Variants in DCAF4 observed in about 807,000 individuals in gnomAD.
The protein encoded by DCAF4 is DDB1- and CUL4-associated factor 4.
DCAF4 carries 37 observed loss-of-function variants against 60.9 expected under a neutral mutation model. That is an observed-to-expected ratio of 0.61 (90% CI 0.47 to 0.80). DCAF4 has a LOEUF of 0.80. DCAF4 is among the 30% of genes least tolerant of loss of function. DCAF4 has a pLI of 0.00. For synonymous variants in DCAF4, 243 were observed against 254.8 expected, an observed-to-expected ratio of 0.95 and a Z score of 0.44; for missense variants, 577 against 650.0, an observed-to-expected ratio of 0.89 and a Z score of 1.22.
chr14:72,956,330 G>A, intron 12 of DCAF4, 56 bp from the exon 13 acceptor site: 1 of 1,407,118 alleles, frequency 7.1e-7, no homozygotes, highest in African/African-American at 1.4e-5. Context: ...TGCACTTGGG[G>A]ACCACCATGG....
intron 7 of DCAF4, 98 bp downstream of exon 7, chr14:72,946,125 C>CA: frequency 1.4e-6 from 2 of 1,417,884 alleles, no homozygotes; most frequent in South Asian, 1.3e-5. Flanking sequence ...GAGGGCAGAG[C>CA]ATACTTACCT....
downstream of DCAF4, among the ~76,000 whole-genome samples, chr14:72,961,098 G>T (rs545221762): frequency 1.3e-5 from 2 of 151,958 alleles, no homozygotes; most frequent in East Asian, 1.9e-4. Context: ...TGTTTCCCAG[G>T]CTGGTCTTGA....
At chr14:72,936,262 G>T (rs979919879) in intron 1 of DCAF4, among the ~76,000 whole-genome samples, 1 of 152,084 alleles carries the variant, frequency 6.6e-6, no homozygotes, top group African/African-American at 2.4e-5. Context: ...TTAGGACAAT[G>T]AATAAGATAA....
intron 6 of DCAF4, 44 bp downstream of exon 6, chr14:72,943,140 T>G: frequency 6.4e-7 from 1 of 1,571,966 alleles, no homozygotes; most frequent in Non-Finnish European, 8.7e-7. Context: ...GCTGCCACCC[T>G]CTGGACACTT....
intron 1 of DCAF4, among the ~76,000 whole-genome samples, chr14:72,936,718 G>A (rs918850079): frequency 3.9e-5 from 6 of 152,154 alleles, no homozygotes; most frequent in East Asian, 1.9e-4. Context: ...AGATAGACAC[G>A]AAGCAGCATA....
rs181842104 is a variant in DCAF4 at position 72,953,652 on chromosome 14, T to C, written c.809-512T>C. Reference sequence around the variant, plus strand: ...TTGAGCCTGGGAGGTTGAGGATGCATTGAGCCATGATCACGCCACTGCACT... The same window carrying C: ...TTGAGCCTGGGAGGTTGAGGATGCACTGAGCCATGATCACGCCACTGCACT... On this transcript the variant is annotated intron_variant, in intron 9 of 13. Coordinates refer to ENST00000358377, the MANE Select transcript of DCAF4 (RefSeq NM_015604.4). Among the ~76,000 whole-genome samples the C allele has an allele frequency of 3.7e-5, 5 of 133,664 alleles. No homozygotes were observed. In the East Asian group the frequency reaches 6.9e-4, roughly 18 times the overall value. 87.7% of individuals were successfully genotyped at this position (133,664 alleles called of 152,430 possible).
At chr14:72,958,507 A>G (rs1892581400) in intron 13 of DCAF4, 105 bp from the exon 14 acceptor site, 3 of 1,363,726 alleles carry the variant, frequency 2.2e-6, no homozygotes, top group Non-Finnish European at 3.1e-6. Context: ...TTTGGCTCAC[A>G]TGAAATCACA....
At chr14:72,954,518 T>G in intron 11 of DCAF4, 35 bp downstream of exon 11, 1 of 1,604,632 alleles carries the variant, frequency 6.2e-7, no homozygotes. Flanking sequence ...ATATAAAAGT[T>G]TGCCCCATGT....
At chr14:72,961,892 A>G (rs1415501334), downstream of DCAF4, 4 of 1,128,602 alleles carry the variant, frequency 3.5e-6, no homozygotes, top group African/African-American at 1.7e-5. Flanking sequence ...GCTGATGTCA[A>G]ACTGGTCAGT....
In DCAF4 at chr14:72,954,465, C is replaced by G. The variant is rs776535294; in HGVS notation, c.987C>G (p.Ala329=). 5.6e-6 allele frequency: 9 copies of G among 1,614,104 alleles called. No homozygotes were observed. The African/African-American group carries it at 1.1e-4, about 19-fold the overall frequency. The change falls in exon 11 of 14, where the codon GCC becomes GCG. Residue 329 remains alanine, a synonymous_variant. Transcript: ENST00000358377. ...QSFGTNSDVL[A]QQFALMAPLL... is the part of the protein sequence containing the mutation. ...TTGGGACCAACAGTGATGTCTTGGC[C>G]CAGCAGTTTGCTCTCATGGTTGGTT...
At chr14:72,939,672 C>A in intron 2 of DCAF4, 130 bp from the exon 3 acceptor site, 1 of 676,732 alleles carries the variant, frequency 1.5e-6, no homozygotes, top group Non-Finnish European at 2.4e-6. Context: ...ATCAGTGCTT[C>A]TCAAGTAATC....
intron 7 of DCAF4, 58 bp from the exon 8 acceptor site, chr14:72,947,084 A>C: frequency 6.2e-7 from 1 of 1,609,080 alleles, no homozygotes; most frequent in East Asian, 2.2e-5. Context: ...ATGTTATTCC[A>C]CAGGAAAGCA....
rs1416825702 is a variant in DCAF4 at position 72,953,729 on chromosome 14, AAAAATATATATATAT to A, written c.809-433_809-419del. Among the ~76,000 whole-genome samples the A allele has an allele frequency of 1.4e-3, 56 of 40,780 alleles. 6 individuals carry two copies. The highest frequency in any genetic ancestry group is 6.9e-3 in the African/African-American group (56 of 8,166). 26.8% of individuals were successfully genotyped at this position (40,780 alleles called of 152,430 possible). On this transcript the variant is annotated intron_variant, in intron 9 of 13. Transcript: ENST00000358377. Reference sequence around the variant, plus strand: ...TGTCTTAAAAAAAAAAAAAAAAAAAAAAAATATATATATATATATATATATATATATATAGTTTAT... The same window carrying A: ...TGTCTTAAAAAAAAAAAAAAAAAAAAATATATATATATATATATAGTTTAT...
At chr14:72,934,072 T>A (rs1406000029) in intron 1 of DCAF4, among the ~76,000 whole-genome samples, 1 of 148,040 alleles carries the variant, frequency 6.8e-6, no homozygotes, top group East Asian at 2.0e-4. Context: ...TGCAGGCTCA[T>A]CCCCCCCATT....
intron 1 of DCAF4, among the ~76,000 whole-genome samples, chr14:72,929,016 T>C (rs1348664043): frequency 6.6e-6 from 1 of 152,018 alleles, no homozygotes; most frequent in African/African-American, 2.4e-5. Context: ...CGGGCTGCCA[T>C]CCCCCACACT....
chr14:72,931,806 C>G (rs568912140), intron 1 of DCAF4, among the ~76,000 whole-genome samples: 67 of 152,218 alleles, frequency 4.4e-4, no homozygotes, highest in African/African-American at 1.6e-3. Context: ...TTTTCCCCAT[C>G]TATTAGTATG....
chr14:72,955,157 C>T (rs1378381189), intron 11 of DCAF4, among the ~76,000 whole-genome samples: 1 of 151,844 alleles, frequency 6.6e-6, no homozygotes, highest in African/African-American at 2.4e-5. Context: ...ACAGACTTTT[C>T]TCTAGAAAAT....
intron 8 of DCAF4, among the ~76,000 whole-genome samples, 170 bp downstream of exon 8, chr14:72,947,361 G>A (rs905468647): frequency 2.0e-5 from 3 of 152,218 alleles, no homozygotes; most frequent in Non-Finnish European, 4.4e-5. Flanking sequence ...AGAACACAAG[G>A]ATGCCCGTGG....
At chr14:72,947,894 G>A (rs1402338413) in intron 8 of DCAF4, among the ~76,000 whole-genome samples, 1 of 152,142 alleles carries the variant, frequency 6.6e-6, no homozygotes. Flanking sequence ...CCTGGCCTCT[G>A]GGACCCTTGG....
Sources: allele counts gnomAD v4.1 joint callset (sites outside exome capture counted in the v4.1 genomes callset), GRCh38; gene constraint gnomAD v4.1.1; transcripts MANE v1.5; gene names NCBI Gene and HGNC (gene_info 2026-07-23, HGNC 2026-07-21).